The following PAM variants were observed in gnomAD, a reference collection of about 807,000 sequenced individuals.
PAM encodes the protein peptidyl-glycine alpha-amidating monooxygenase.
Under a neutral mutation model 122.1 loss-of-function variants are expected in PAM, and 72 were observed. The observed-to-expected ratio is 0.59, with a 90% confidence interval of 0.49 to 0.72. The LOEUF (loss-of-function observed/expected upper bound fraction) is 0.72, where lower values mean the gene tolerates loss of function less well. Among genes scored for constraint, PAM ranks in the 30% least tolerant of loss-of-function variants. The pLI is 0.00. For missense variants in PAM, 1,106 were observed against 1,183.7 expected (o/e 0.93, Z 0.96); for synonymous variants, 389 against 404.4 (o/e 0.96, Z 0.46).
At chr5:102,964,587 T>G (rs867542701) in intron 14 of PAM, among the ~76,000 whole-genome samples, 1 of 151,922 alleles carries the variant, frequency 6.6e-6, no homozygotes, top group East Asian at 1.9e-4. Flanking sequence ...TTATTTTGAC[T>G]GATTTTTTAA....
At chr5:102,807,642 T>A (rs1766592659) in intron 1 of PAM, among the ~76,000 whole-genome samples, 1 of 152,206 alleles carries the variant, frequency 6.6e-6, no homozygotes. Flanking sequence ...AGAGTCAGTT[T>A]TCATTGTTTT....
chr5:102,826,257 A>G (rs1773563028), intron 1 of PAM, among the ~76,000 whole-genome samples: 1 of 152,192 alleles, frequency 6.6e-6, no homozygotes, highest in Non-Finnish European at 1.5e-5. Flanking sequence ...TCTTACAAAT[A>G]ACTTTTAATC....
Position 103,006,935 on chromosome 5 carries a change from T to C in PAM, c.1938T>C (p.Tyr646=), listed in dbSNP as rs143515662. ...VAVDPGTGAI[Y]VSDGYCNSRI... ...TGGATCCAGGCACTGGAGCCATTTA[T>C]GTATCAGATGGTTACTGCAACAGCA... The change falls in exon 19 of 26, where the codon TAT becomes TAC. Residue 646 remains tyrosine, a synonymous_variant. Coordinates refer to ENST00000438793, the MANE Select transcript of PAM (RefSeq NM_001177306.2). The C allele has an allele frequency of 1.1e-4, 175 of 1,614,136 alleles. No individual in the cohort carries two copies. The African/African-American group carries it at 2.1e-3, about 20-fold the overall frequency.
intron 1 of PAM, among the ~76,000 whole-genome samples, chr5:102,764,949 A>T (rs1183149444): frequency 2.0e-5 from 3 of 152,194 alleles, no homozygotes; most frequent in Admixed American, 1.3e-4. Flanking sequence ...GGCTTTCCAC[A>T]TAATTTATTC....
At chr5:102,999,114 G>C (rs990639525) in intron 16 of PAM, among the ~76,000 whole-genome samples, 2 of 152,154 alleles carry the variant, frequency 1.3e-5, no homozygotes, top group Non-Finnish European at 2.9e-5. Context: ...CTGACTATCA[G>C]AAAACAGCAG....
intron 7 of PAM, among the ~76,000 whole-genome samples, chr5:102,933,460 T>C (rs1752246330): frequency 6.6e-6 from 1 of 152,268 alleles, no homozygotes; most frequent in African/African-American, 2.4e-5. Flanking sequence ...TATTCCATGC[T>C]GGCTGTGATC....
chr5:102,797,445 T>G (rs765405884), intron 1 of PAM, among the ~76,000 whole-genome samples: 3 of 152,166 alleles, frequency 2.0e-5, no homozygotes, highest in Non-Finnish European at 2.9e-5. Flanking sequence ...TTATGCAAAA[T>G]GATTTTGAAG....
At chr5:102,999,316 G>T (rs1178809555) in intron 16 of PAM, among the ~76,000 whole-genome samples, 2 of 152,184 alleles carry the variant, frequency 1.3e-5, no homozygotes, top group African/African-American at 4.8e-5. Flanking sequence ...TGCAAGAGGT[G>T]GGCTCCCACA....
At chr5:102,876,862 GA>G (rs1789382609) in intron 3 of PAM, among the ~76,000 whole-genome samples, 2 of 146,514 alleles carry the variant, frequency 1.4e-5, no homozygotes, top group African/African-American at 5.5e-5. Context: ...TGGCAGCCTT[GA>G]GTCTTGTCTT....
At chr5:102,913,874 G>T in intron 4 of PAM, 60 bp from the exon 5 acceptor site, 1 of 917,228 alleles carries the variant, frequency 1.1e-6, no homozygotes, top group South Asian at 1.3e-5. Context: ...TGTATTTTAT[G>T]ACTTTGGTGC....
At chr5:102,857,497 A>G (rs1782954300) in intron 1 of PAM, among the ~76,000 whole-genome samples, 1 of 152,252 alleles carries the variant, frequency 6.6e-6, no homozygotes, top group African/African-American at 2.4e-5. Context: ...CCATAGGCAT[A>G]GGACTTCGAT....
intron 15 of PAM, among the ~76,000 whole-genome samples, chr5:102,977,785 A>G (rs1302425871): frequency 6.6e-6 from 1 of 152,062 alleles, no homozygotes; most frequent in Non-Finnish European, 1.5e-5. Context: ...AATGTAGAAT[A>G]TTGCAAGTCC....
chr5:102,993,577 T>A (rs1015415754), intron 16 of PAM, among the ~76,000 whole-genome samples: 1 of 152,166 alleles, frequency 6.6e-6, no homozygotes, highest in African/African-American at 2.4e-5. Flanking sequence ...CTTCAGATTC[T>A]TTCTGTTACA....
intron 1 of PAM, among the ~76,000 whole-genome samples, chr5:102,761,892 A>G (rs1241253490): frequency 6.6e-6 from 1 of 152,206 alleles, no homozygotes; most frequent in Non-Finnish European, 1.5e-5. Flanking sequence ...TTACATTACT[A>G]ATTACATCAA....
intron 1 of PAM, among the ~76,000 whole-genome samples, chr5:102,793,734 A>C (rs1762640226): frequency 6.6e-6 from 1 of 152,222 alleles, no homozygotes; most frequent in South Asian, 2.1e-4. Context: ...ACACTTTTGA[A>C]AATATTAAAT....
At chr5:102,941,854 AAAAAAG>A (rs1193014561) in intron 7 of PAM, among the ~76,000 whole-genome samples, 4 of 150,334 alleles carry the variant, frequency 2.7e-5, no homozygotes, top group African/African-American at 9.7e-5. Flanking sequence ...AAAAAAAAAA[AAAAAAG>A]AGCTGTGTCT....
chr5:102,965,456 T>C (rs924451001), intron 14 of PAM, among the ~76,000 whole-genome samples: 7 of 151,902 alleles, frequency 4.6e-5, no homozygotes, highest in Non-Finnish European at 5.9e-5. Context: ...AAAGTCTAGA[T>C]GTAGTGTTGA....
At chr5:102,891,180 A>C (rs1021107414) in intron 3 of PAM, among the ~76,000 whole-genome samples, 1 of 151,920 alleles carries the variant, frequency 6.6e-6, no homozygotes, top group Non-Finnish European at 1.5e-5. Flanking sequence ...CATTCACTGC[A>C]TACCCAGTTC....
At chr5:102,998,714 A>G (rs1776464353) in intron 16 of PAM, among the ~76,000 whole-genome samples, 1 of 152,196 alleles carries the variant, frequency 6.6e-6, no homozygotes, top group South Asian at 2.1e-4. Flanking sequence ...ACAACTGAAT[A>G]TGCATCTACA....
Sources: gnomAD v4.1 joint callset for allele counts (sites outside exome capture counted in the v4.1 genomes callset) on GRCh38, gnomAD v4.1.1 for gene constraint, MANE v1.5 for transcripts, NCBI Gene and HGNC (gene_info 2026-07-23, HGNC 2026-07-21) for gene names.